SPTLC2: variants seen among roughly 807,000 people sequenced by gnomAD.
The protein encoded by SPTLC2 is serine palmitoyltransferase 2.
A neutral mutation model predicts 62.0 loss-of-function variants in SPTLC2; 21 were observed. That is an observed-to-expected ratio of 0.34 (90% CI 0.24 to 0.49). The LOEUF (loss-of-function observed/expected upper bound fraction) is 0.49. Ranked by LOEUF, SPTLC2 falls within the 20% of genes least tolerant of loss-of-function variation. The pLI is 0.99. For missense variants in SPTLC2, 511 were observed against 713.0 expected (o/e 0.72, Z 3.23); for synonymous variants, 261 against 261.8 (o/e 1.00, Z 0.03).
chr14:77,549,922 T>C (rs377431305), intron 9 of SPTLC2, among the ~76,000 whole-genome samples: 7 of 152,228 alleles, frequency 4.6e-5, no homozygotes, highest in Admixed American at 2.0e-4. Flanking sequence ...TGATAGCTCT[T>C]AGCCATTTCT....
chr14:77,616,468 C>A lies in SPTLC2; in HGVS notation c.112G>T (p.Ala38Ser), dbSNP rs1278490927. The A allele has an allele frequency of 1.3e-6, 2 of 1,492,848 alleles. No homozygotes were observed. The allele number at this position is 1,492,848 out of a possible 1,614,324, so 92.5% of individuals were successfully genotyped here. Residue 38 changes from alanine (A) to serine (S), a missense_variant, in exon 1 of 12, where the codon GCC becomes TCC. By Grantham distance (99) the Ala-to-Ser change is moderately conservative. Transcript: ENST00000216484. ...CGTACCTGGCCGGCGGCGGCTGCGGCTGCGGCTGCAGCGCTGCTCCTCACG... is the reference window on the plus strand; with the variant it reads ...CGTACCTGGCCGGCGGCGGCTGCGGATGCGGCTGCAGCGCTGCTCCTCACG... Reference protein sequence around the residue: ...GYVRSSAAAAAAAAAGQIHHV... With the variant: ...GYVRSSAAAASAAAAGQIHHV...
intron 6 of SPTLC2, 129 bp from the exon 7 acceptor site, chr14:77,557,275 C>A (rs769882219): frequency 8.8e-6 from 7 of 795,550 alleles, no homozygotes; most frequent in African/African-American, 1.7e-5. Context: ...TAGAGTTGGG[C>A]AGAAAAAAGC....
At chr14:77,570,648 G>T in intron 4 of SPTLC2, 140 bp from the exon 5 acceptor site, 1 of 942,054 alleles carries the variant, frequency 1.1e-6, no homozygotes, top group African/African-American at 1.7e-5. Context: ...ATTATGAAGA[G>T]TAATATTCTT....
intron 1 of SPTLC2, 49 bp from the exon 2 acceptor site, chr14:77,597,429 T>C (rs376229076): frequency 1.9e-6 from 3 of 1,551,140 alleles, no homozygotes; most frequent in Non-Finnish European, 2.7e-6. Context: ...AAGAAAAACA[T>C]TCCTACCTAA....
At chr14:77,550,619 C>G (rs961296275) in intron 9 of SPTLC2, among the ~76,000 whole-genome samples, 2 of 146,720 alleles carry the variant, frequency 1.4e-5, no homozygotes, top group Non-Finnish European at 3.0e-5. Flanking sequence ...AGAAAACAGT[C>G]AGCTGGGTGT....
At chr14:77,518,300 A>C (rs1319025904) in intron 10 of SPTLC2, 133 bp from the exon 11 acceptor site, 3 of 1,337,818 alleles carry the variant, frequency 2.2e-6, no homozygotes, top group African/African-American at 2.9e-5. Context: ...GTTTCCTTTA[A>C]CTCCTTTTAA....
rs532997775 is a variant in SPTLC2 at position 77,532,293 on chromosome 14, T to C, written c.1304-10712A>G. On this transcript the variant is annotated intron_variant, in intron 9 of 11. Coordinates refer to ENST00000216484, the MANE Select transcript of SPTLC2 (RefSeq NM_004863.4). ...CTTCCCTTCTTTCCCTTTCTCTCTT[T>C]AAATGCTCACGTGAATGAATACACA... is the stretch of plus-strand genomic sequence containing the variant. Among the ~76,000 whole-genome samples the C allele has an allele frequency of 5.3e-5, 8 of 152,348 alleles. No individual in the cohort carries two copies. In the East Asian group the frequency reaches 1.5e-3, roughly 29 times the overall value.
intron 9 of SPTLC2, among the ~76,000 whole-genome samples, chr14:77,541,287 G>A (rs1219609376): frequency 3.3e-5 from 5 of 152,082 alleles, no homozygotes; most frequent in Admixed American, 6.6e-5. Flanking sequence ...TGATCCACCC[G>A]TCTTGGCCTC....
chr14:77,549,624 A>C (rs1287229282), intron 9 of SPTLC2, among the ~76,000 whole-genome samples: 1 of 152,196 alleles, frequency 6.6e-6, no homozygotes, highest in East Asian at 1.9e-4. Flanking sequence ...AACAGAGCAA[A>C]GACAAGTCAT....
Position 77,508,827 on chromosome 14 carries a change from A to G in SPTLC2, c.*3457T>C, listed in dbSNP as rs886050836. 1.3e-5 allele frequency: 2 copies of G among 152,200 alleles called. No individual in the cohort carries two copies. The highest frequency in any genetic ancestry group is 3.9e-4 in the East Asian group (2 of 5,192). 9.4% of individuals were successfully genotyped at this position (152,200 alleles called of 1,614,324 possible). ...AGCCTCCTCCTGAAATGTAAGGCTA[A>G]GTGTACAAACAGAACCAAGGCGTCT... On this transcript the variant is annotated 3_prime_UTR_variant, in exon 12 of 12. Coordinates refer to ENST00000216484, the MANE Select transcript of SPTLC2 (RefSeq NM_004863.4).
intron 4 of SPTLC2, among the ~76,000 whole-genome samples, chr14:77,572,859 T>C (rs561614307): frequency 7.7e-4 from 118 of 152,350 alleles, no homozygotes; most frequent in Admixed American, 2.5e-3. Flanking sequence ...TCAGCCTTGA[T>C]AGAATTGAAG....
intron 9 of SPTLC2, among the ~76,000 whole-genome samples, chr14:77,547,320 A>T (rs2079533971): frequency 6.6e-6 from 1 of 152,068 alleles, no homozygotes; most frequent in Non-Finnish European, 1.5e-5. Flanking sequence ...CTTAATTTTT[A>T]TTTCGATGAA....
At chr14:77,513,847 T>C (rs2079345500) in intron 11 of SPTLC2, among the ~76,000 whole-genome samples, 1 of 146,820 alleles carries the variant, frequency 6.8e-6, no homozygotes, top group African/African-American at 2.5e-5. Flanking sequence ...GTGAGTTGAG[T>C]TCATGCCATT....
rs746709961 is a variant in SPTLC2, at chr14:77,576,821, C to T, written c.577G>A (p.Ala193Thr). 5.6e-6 allele frequency: 9 copies of T among 1,614,170 alleles called. No individual in the cohort carries two copies. The East Asian group carries it at 6.7e-5, about 12-fold the overall frequency. ...GCTCCATACTCCTCAAGGACTTTGG[C>T]GGCTGCTTCTTGACATGATCCAGTA... ...RNTGSCQEAA[A>T]KVLEEYGAGV... The change falls in exon 4 of 12, where the codon GCC becomes ACC. Residue 193 changes from alanine to threonine, a missense_variant. Ala to Thr is a moderately conservative substitution (Grantham distance 58, BLOSUM62 0). Coordinates refer to ENST00000216484, the MANE Select transcript of SPTLC2 (RefSeq NM_004863.4).
At chr14:77,570,354 G>C (rs1023001429) in intron 5 of SPTLC2, 30 bp downstream of exon 5, 5 of 1,610,324 alleles carry the variant, frequency 3.1e-6, no homozygotes, top group Non-Finnish European at 4.2e-6. Context: ...TATACATGAG[G>C]GAGTTTTCAT....
chr14:77,563,971 G>A (rs2079628654), intron 5 of SPTLC2, among the ~76,000 whole-genome samples: 1 of 150,714 alleles, frequency 6.6e-6, no homozygotes, highest in Admixed American at 6.6e-5. Flanking sequence ...AAATGAAGTG[G>A]CCAGGCATGG....
chr14:77,531,505 T>C (rs1594973719), intron 9 of SPTLC2, among the ~76,000 whole-genome samples: 1 of 81,576 alleles, frequency 1.2e-5, no homozygotes, highest in African/African-American at 5.3e-5. Flanking sequence ...CTCCTCCTCC[T>C]CCTCTTCTTC....
chr14:77,570,977 A>G (rs1365681613), intron 4 of SPTLC2, among the ~76,000 whole-genome samples: 1 of 152,170 alleles, frequency 6.6e-6, no homozygotes, highest in Non-Finnish European at 1.5e-5. Flanking sequence ...ACAGAGAGAA[A>G]GAGAAACAGA....
At chr14:77,528,909 C>T (rs1278402025) in intron 9 of SPTLC2, among the ~76,000 whole-genome samples, 4 of 152,088 alleles carry the variant, frequency 2.6e-5, no homozygotes, top group African/African-American at 4.8e-5. Context: ...AATCTTGGCT[C>T]GTTGCAACCT....
Sources: gnomAD v4.1 joint callset for allele counts (sites outside exome capture counted in the v4.1 genomes callset) on GRCh38, gnomAD v4.1.1 for gene constraint, MANE v1.5 for transcripts, NCBI Gene and HGNC (gene_info 2026-07-23, HGNC 2026-07-21) for gene names.